CCDC178: variants seen among roughly 807,000 people sequenced by gnomAD.
The protein encoded by CCDC178 is coiled-coil domain-containing protein 178.
CCDC178 carries 126 observed loss-of-function variants against 117.4 expected under a neutral mutation model. The ratio of observed to expected loss-of-function variants is 1.07; its 90% CI spans 0.93 to 1.24. The LOEUF (loss-of-function observed/expected upper bound fraction) is 1.24. Among genes scored for constraint, CCDC178 ranks in the 50% most tolerant of loss-of-function variants. The pLI is 0.00. For missense variants in CCDC178, 1,030 were observed against 986.9 expected (o/e 1.04, Z -0.59); for synonymous variants, 283 against 313.4 (o/e 0.90, Z 1.02).
intron 21 of CCDC178, among the ~76,000 whole-genome samples, chr18:33,091,390 G>A (rs777447687): frequency 8.3e-6 from 1 of 121,042 alleles, no homozygotes; most frequent in Non-Finnish European, 1.6e-5. Flanking sequence ...ATGCTGGAGT[G>A]CAGTGGTGCA....
At chr18:33,034,859 A>AT (rs541123156) in intron 21 of CCDC178, among the ~76,000 whole-genome samples, 275 of 152,142 alleles carry the variant, frequency 1.8e-3, no homozygotes, top group Middle Eastern at 3.4e-3. Flanking sequence ...ATCTTATGAT[A>AT]TTACTATCTG....
intron 15 of CCDC178, among the ~76,000 whole-genome samples, chr18:33,238,695 G>T (rs1037125441): frequency 6.6e-6 from 1 of 151,996 alleles, no homozygotes; most frequent in African/African-American, 2.4e-5. Flanking sequence ...AAAATAGAAA[G>T]ATGTAGAAAA....
chr18:32,993,254 C>T (rs1473888527), intron 21 of CCDC178, among the ~76,000 whole-genome samples: 1 of 152,078 alleles, frequency 6.6e-6, no homozygotes, highest in East Asian at 1.9e-4. Context: ...AAACATCAGA[C>T]CAAATTAAGG....
At chr18:33,316,296 A>G (rs2062415332) in intron 11 of CCDC178, among the ~76,000 whole-genome samples, 1 of 152,142 alleles carries the variant, frequency 6.6e-6, no homozygotes, top group African/African-American at 2.4e-5. Flanking sequence ...CGTGGGTGTG[A>G]GCTGGGAGGG....
At chr18:33,147,706 C>G (rs887139587) in intron 20 of CCDC178, among the ~76,000 whole-genome samples, 1 of 152,158 alleles carries the variant, frequency 6.6e-6, no homozygotes, top group Non-Finnish European at 1.5e-5. Flanking sequence ...AGATTAACAG[C>G]ATCCCAAGGC....
chr18:33,218,070 T>G (rs1187402169), intron 18 of CCDC178, among the ~76,000 whole-genome samples: 1 of 152,100 alleles, frequency 6.6e-6, no homozygotes, highest in Admixed American at 6.6e-5. Flanking sequence ...TTCTCTGTAA[T>G]TTTTTAAATA....
Position 33,160,380 on chromosome 18 carries a change from A to C in CCDC178, c.2238+51516T>G, listed in dbSNP as rs190822649. Among the ~76,000 whole-genome samples, 186 of 152,242 alleles carry C rather than the reference A, an allele frequency of 1.2e-3. 3 individuals are homozygous for C. The highest frequency in any genetic ancestry group is 0.011 in the Admixed American group (164 of 15,270). ...CTTTTTAGCCACGTTTTTGGTAAAT[A>C]ATCTGTGTGATTCAATTTAAAATGC... On this transcript the variant is annotated intron_variant, in intron 20 of 22. Transcript: ENST00000383096.
At chr18:33,064,818 G>A (rs2056983207) in intron 21 of CCDC178, among the ~76,000 whole-genome samples, 2 of 152,008 alleles carry the variant, frequency 1.3e-5, no homozygotes, top group South Asian at 4.1e-4. Flanking sequence ...TATCTCAAGT[G>A]TCCAACAACG....
intron 21 of CCDC178, among the ~76,000 whole-genome samples, chr18:33,022,433 T>C (rs2056141751): frequency 6.6e-6 from 1 of 152,186 alleles, no homozygotes; most frequent in South Asian, 2.1e-4. Flanking sequence ...TAAATGTGTT[T>C]AGAAGAAATA....
At chr18:33,281,257 T>A (rs1031148618) in intron 12 of CCDC178, among the ~76,000 whole-genome samples, 2 of 152,008 alleles carry the variant, frequency 1.3e-5, no homozygotes. Flanking sequence ...TTTTCTTAGT[T>A]CTCCATTTCA....
At chr18:33,118,968 G>A (rs1263307224) in intron 20 of CCDC178, among the ~76,000 whole-genome samples, 4 of 152,108 alleles carry the variant, frequency 2.6e-5, no homozygotes, top group African/African-American at 9.7e-5. Flanking sequence ...ATGATGCTGG[G>A]AAAACTGGCT....
chr18:33,245,039 T>C (rs113614727), intron 15 of CCDC178, among the ~76,000 whole-genome samples: 3 of 152,090 alleles, frequency 2.0e-5, no homozygotes, highest in African/African-American at 7.2e-5. Flanking sequence ...GAAACAATTG[T>C]GGATTAGCTA....
chr18:33,030,728 C>T (rs1266167049), intron 21 of CCDC178, among the ~76,000 whole-genome samples: 1 of 151,534 alleles, frequency 6.6e-6, no homozygotes, highest in African/African-American at 2.4e-5. Context: ...AATTGTCTCA[C>T]ATGAGATAGA....
At chr18:33,232,999 T>C (rs1197241775) in intron 15 of CCDC178, among the ~76,000 whole-genome samples, 1 of 152,206 alleles carries the variant, frequency 6.6e-6, no homozygotes, top group African/African-American at 2.4e-5. Flanking sequence ...TATTAGTATA[T>C]ATTCATGGTT....
intron 9 of CCDC178, among the ~76,000 whole-genome samples, chr18:33,334,506 A>C (rs781578341): frequency 5.9e-5 from 9 of 152,088 alleles, no homozygotes; most frequent in Non-Finnish European, 8.8e-5. Flanking sequence ...TTCTGGCATT[A>C]ACTGAATCTT....
intron 20 of CCDC178, among the ~76,000 whole-genome samples, chr18:33,153,140 A>ATATATATATATATAACATATATTATATAT (rs1412752269): frequency 1.2e-4 from 18 of 147,804 alleles, no homozygotes; most frequent in African/African-American, 4.2e-4. Flanking sequence ...TGACAATTAT[A>ATATATATATATATAACATATATTATATAT]TATATATATA....
chr18:33,071,278 T>C (rs1421932506), intron 21 of CCDC178, among the ~76,000 whole-genome samples: 1 of 152,078 alleles, frequency 6.6e-6, no homozygotes, highest in Non-Finnish European at 1.5e-5. Context: ...TCTGTCTATA[T>C]ATAAAATTGT....
intron 21 of CCDC178, among the ~76,000 whole-genome samples, chr18:33,067,161 G>A (rs2057031048): frequency 6.6e-6 from 1 of 152,102 alleles, no homozygotes; most frequent in South Asian, 2.1e-4. Flanking sequence ...TATCCTTTCA[G>A]ACTACAGTGA....
chr18:33,368,789 T>C (rs2063255984), intron 6 of CCDC178, among the ~76,000 whole-genome samples: 1 of 152,016 alleles, frequency 6.6e-6, no homozygotes. Flanking sequence ...AGCAATGATG[T>C]AGTAAAACAT....
Sources: allele counts gnomAD v4.1 joint callset (sites outside exome capture counted in the v4.1 genomes callset), GRCh38; gene constraint gnomAD v4.1.1; transcripts MANE v1.5; gene names NCBI Gene and HGNC (gene_info 2026-07-23, HGNC 2026-07-21).